The following THSD4 variants were observed in gnomAD, a reference collection of about 807,000 sequenced individuals.
THSD4 encodes thrombospondin type 1 domain containing 4, also known as thrombospondin type-1 domain-containing protein 4.
A neutral mutation model predicts 119.0 loss-of-function variants in THSD4; 69 were observed. The ratio of observed to expected loss-of-function variants is 0.58; its 90% CI spans 0.48 to 0.71. The LOEUF is 0.71. Among genes scored for constraint, THSD4 ranks in the 30% least tolerant of loss-of-function variants. THSD4 has a pLI of 0.00. For missense variants in THSD4, 1,393 were observed against 1,391.1 expected, an observed-to-expected ratio of 1.00 and a Z score of -0.02; for synonymous variants, 524 against 540.4, an observed-to-expected ratio of 0.97 and a Z score of 0.42.
At chr15:71,684,333 C>T (rs2051861195) in intron 8 of THSD4, among the ~76,000 whole-genome samples, 1 of 151,898 alleles carries the variant, frequency 6.6e-6, no homozygotes, top group African/African-American at 2.4e-5. Flanking sequence ...ATAATATTGC[C>T]TCCTCCTTTC....
At chr15:71,491,533 A>G (rs114360356) in intron 7 of THSD4, among the ~76,000 whole-genome samples, 2 of 152,184 alleles carry the variant, frequency 1.3e-5, no homozygotes, top group South Asian at 4.1e-4. Context: ...CCCTTGCCAG[A>G]TGTAGCTCCT....
chr15:71,102,886 TC>T (rs1320018261), intron 1 of THSD4, among the ~76,000 whole-genome samples: 4 of 152,262 alleles, frequency 2.6e-5, no homozygotes, highest in Admixed American at 2.0e-4. Context: ...TCTTCTTTTT[TC>T]CCCCCTGAGA....
chr15:71,410,686 G>A (rs552817069), intron 6 of THSD4, among the ~76,000 whole-genome samples: 5 of 152,222 alleles, frequency 3.3e-5, no homozygotes, highest in African/African-American at 4.8e-5. Flanking sequence ...AGGAAGCTGC[G>A]GCCATTTAAA....
At chr15:71,114,974 A>G (rs1171217206), upstream of THSD4, 1 of 151,932 alleles carries the variant, frequency 6.6e-6, no homozygotes, top group Non-Finnish European at 1.5e-5. Context: ...CCTTAGAGTC[A>G]CCGCCCCCTT....
At chr15:71,215,797 C>T (rs534871236) in intron 4 of THSD4, among the ~76,000 whole-genome samples, 22 of 152,282 alleles carry the variant, frequency 1.4e-4, no homozygotes, top group African/African-American at 4.3e-4. Flanking sequence ...TGTGTCTAAC[C>T]GGAAAGCTGA....
At chr15:71,677,102 C>G (rs1052812821) in intron 8 of THSD4, among the ~76,000 whole-genome samples, 1 of 152,214 alleles carries the variant, frequency 6.6e-6, no homozygotes, top group Non-Finnish European at 1.5e-5. Context: ...GCCAACACTT[C>G]AAGTGTGTTT....
At chr15:71,606,994 C>G (rs1450628137) in intron 7 of THSD4, among the ~76,000 whole-genome samples, 1 of 152,212 alleles carries the variant, frequency 6.6e-6, no homozygotes, top group Non-Finnish European at 1.5e-5. Context: ...AAAAGCTCAG[C>G]AATGCTCCAA....
chr15:71,455,037 ATGGCTGCATCACC>A (rs1272687161), intron 7 of THSD4, among the ~76,000 whole-genome samples: 10 of 152,310 alleles, frequency 6.6e-5, no homozygotes, highest in African/African-American at 2.4e-4. Context: ...TCACCCACAA[ATGGCTGCATCACC>A]TGCTGATCAC....
chr15:71,289,390 G>A (rs112110229), intron 6 of THSD4, among the ~76,000 whole-genome samples: 2,359 of 152,204 alleles, frequency 0.015, 17 homozygotes, highest in Middle Eastern at 0.024. Flanking sequence ...TGCACTGGAC[G>A]CCAAGCAGAG....
Position 71,598,204 on chromosome 15 carries a change from C to A in THSD4, c.1153-62326C>A, listed in dbSNP as rs191379307. Among the ~76,000 whole-genome samples the A allele has an allele frequency of 3.3e-5, 5 of 152,192 alleles. No individual in the cohort carries two copies. The East Asian group carries it at 9.7e-4, about 29-fold the overall frequency. On this transcript the variant is annotated intron_variant, in intron 7 of 17. Coordinates refer to ENST00000261862, the MANE Select transcript of THSD4 (RefSeq NM_024817.3). ...CCTTGAAAGACTGCTAAGAATTGGTCAGGAAGATGAGCAAGAAGACCCTTC... is the reference window on the plus strand; with the variant it reads ...CCTTGAAAGACTGCTAAGAATTGGTAAGGAAGATGAGCAAGAAGACCCTTC...
chr15:71,414,675 A>G (rs1281262665), intron 7 of THSD4, among the ~76,000 whole-genome samples: 1 of 152,228 alleles, frequency 6.6e-6, no homozygotes, highest in Non-Finnish European at 1.5e-5. Context: ...AGCTGATGAT[A>G]TAAAAGAAAA....
intron 8 of THSD4, among the ~76,000 whole-genome samples, chr15:71,699,210 C>CTTTTTTTTT (rs34295616): frequency 4.1e-5 from 3 of 73,006 alleles, no homozygotes; most frequent in South Asian, 6.6e-4. Context: ...ATAGCTACAG[C>CTTTTTTTTT]TTTTTTTTTT....
intron 5 of THSD4, among the ~76,000 whole-genome samples, chr15:71,252,250 A>G (rs953741399): frequency 3.3e-5 from 5 of 152,222 alleles, no homozygotes; most frequent in African/African-American, 1.2e-4. Context: ...AATTACTGAT[A>G]AGGTGAAGGT....
At chr15:71,372,298 C>T (rs995575950) in intron 6 of THSD4, among the ~76,000 whole-genome samples, 1 of 152,220 alleles carries the variant, frequency 6.6e-6, no homozygotes, top group Non-Finnish European at 1.5e-5. Context: ...CATTCTCCAT[C>T]CAGCTTTGTT....
intron 7 of THSD4, among the ~76,000 whole-genome samples, chr15:71,558,408 T>C (rs1357502273): frequency 6.6e-6 from 1 of 152,214 alleles, no homozygotes; most frequent in African/African-American, 2.4e-5. Context: ...AGATGGCAAT[T>C]TTTTCTTGTA....
intron 6 of THSD4, among the ~76,000 whole-genome samples, chr15:71,288,024 G>A (rs1462767588): frequency 2.0e-5 from 3 of 152,072 alleles, no homozygotes; most frequent in Non-Finnish European, 4.4e-5. Flanking sequence ...ATATAGATAG[G>A]CCACCTACAA....
At chr15:71,494,988 C>G (rs959684830) in intron 7 of THSD4, among the ~76,000 whole-genome samples, 1 of 152,204 alleles carries the variant, frequency 6.6e-6, no homozygotes, top group Non-Finnish European at 1.5e-5. Flanking sequence ...ATGGTCCACG[C>G]ACCTCCCAAA....
chr15:71,418,424 A>G (rs1490251062), intron 7 of THSD4, among the ~76,000 whole-genome samples: 1 of 108,914 alleles, frequency 9.2e-6, no homozygotes, highest in Non-Finnish European at 2.0e-5. Context: ...ATGTTAAGGC[A>G]TGTTCCTTCT....
chr15:71,402,018 C>T (rs1029719719), intron 6 of THSD4, among the ~76,000 whole-genome samples: 16 of 151,316 alleles, frequency 1.1e-4, no homozygotes, highest in South Asian at 2.1e-4. Flanking sequence ...AATCAAACAC[C>T]GCATGTTCTC....
Sources: gnomAD v4.1 joint callset for allele counts (sites outside exome capture counted in the v4.1 genomes callset) on GRCh38, gnomAD v4.1.1 for gene constraint, MANE v1.5 for transcripts, NCBI Gene and HGNC (gene_info 2026-07-23, HGNC 2026-07-21) for gene names.